Variants in GABRG3 observed in about 807,000 individuals in gnomAD.
GABRG3 encodes gamma-aminobutyric acid type A receptor subunit gamma3.
Under a neutral mutation model 48.8 loss-of-function variants are expected in GABRG3, and 25 were observed. The observed-to-expected ratio is 0.51, with a 90% CI of 0.37 to 0.72. GABRG3 has a LOEUF of 0.72. GABRG3 is among the 30% of genes least tolerant of loss of function. The pLI, the probability that GABRG3 is intolerant of heterozygous loss-of-function variation, is 0.00. For synonymous variants in GABRG3, 227 were observed against 217.6 expected (o/e 1.04, Z -0.38); for missense variants, 394 against 577.9 (o/e 0.68, Z 3.26).
intron 3 of GABRG3, among the ~76,000 whole-genome samples, chr15:27,293,163 T>G (rs1891850396): frequency 2.6e-5 from 4 of 152,288 alleles, no homozygotes; most frequent in Middle Eastern, 3.4e-3. Context: ...GGAAATTTCC[T>G]TAGTTTGTTT....
chr15:27,218,160 T>C (rs1395535248), intron 3 of GABRG3, among the ~76,000 whole-genome samples: 1 of 152,104 alleles, frequency 6.6e-6, no homozygotes, highest in Non-Finnish European at 1.5e-5. Context: ...CCTACAGATG[T>C]GTGCTACCAT....
At chr15:27,423,220 A>G (rs1047738459) in intron 5 of GABRG3, among the ~76,000 whole-genome samples, 5 of 149,370 alleles carry the variant, frequency 3.3e-5, no homozygotes, top group African/African-American at 1.2e-4. Flanking sequence ...AGGTATACAA[A>G]AAAAAAAAAA....
At chr15:26,973,276 A>C (rs567066350) in intron 1 of GABRG3, among the ~76,000 whole-genome samples, 22 of 152,092 alleles carry the variant, frequency 1.4e-4, no homozygotes, top group Non-Finnish European at 2.4e-4. Context: ...ATATACACAA[A>C]ATCTCTTGGG....
At chr15:27,497,430 C>T (rs1460588095) in intron 6 of GABRG3, among the ~76,000 whole-genome samples, 9 of 152,108 alleles carry the variant, frequency 5.9e-5, no homozygotes, top group Admixed American at 3.3e-4. Flanking sequence ...GTGTCTTTCC[C>T]GCAATATCTT....
intron 5 of GABRG3, among the ~76,000 whole-genome samples, chr15:27,340,062 C>T (rs140829954): frequency 0.011 from 1,630 of 152,260 alleles, 16 homozygotes; most frequent in Admixed American, 0.018. Context: ...GTCAGGGAAC[C>T]TTCTTCATCT....
At chr15:27,217,281 T>C (rs1205681827) in intron 3 of GABRG3, among the ~76,000 whole-genome samples, 1 of 152,182 alleles carries the variant, frequency 6.6e-6, no homozygotes, top group Non-Finnish European at 1.5e-5. Flanking sequence ...AAATGACCAA[T>C]TCATTTCAAT....
At chr15:27,481,384 T>A in intron 6 of GABRG3, 3 of 545,900 alleles carry the variant, frequency 5.5e-6, no homozygotes, top group South Asian at 1.6e-4. Context: ...TGTCTTATGT[T>A]GTTTTTTGCT....
chr15:27,396,142 G>A (rs1182870392), intron 5 of GABRG3, among the ~76,000 whole-genome samples: 1 of 152,188 alleles, frequency 6.6e-6, no homozygotes, highest in African/African-American at 2.4e-5. Context: ...GGGATTACAG[G>A]CATGAGCCAA....
chr15:27,336,208 A>AAGAGAGAGAG (rs71285057), intron 5 of GABRG3, among the ~76,000 whole-genome samples: 1 of 138,682 alleles, frequency 7.2e-6, no homozygotes, highest in African/African-American at 2.9e-5. Flanking sequence ...GAAAGAAAGA[A>AAGAGAGAGAG]AGAGAGAGAG....
At chr15:27,428,071 T>C (rs781748721) in intron 5 of GABRG3, 5 of 152,536 alleles carry the variant, frequency 3.3e-5, no homozygotes, top group Non-Finnish European at 7.3e-5. Context: ...TTTTCTTTTG[T>C]AGAGATGGAG....
At chr15:27,377,779 G>C (rs1895645331) in intron 5 of GABRG3, among the ~76,000 whole-genome samples, 1 of 152,208 alleles carries the variant, frequency 6.6e-6, no homozygotes, top group Admixed American at 6.5e-5. Context: ...ATCTGTAAAG[G>C]TGCCTTTGGT....
intron 6 of GABRG3, among the ~76,000 whole-genome samples, chr15:27,515,613 C>A (rs1172999070): frequency 6.6e-6 from 1 of 151,742 alleles, no homozygotes; most frequent in African/African-American, 2.4e-5. Flanking sequence ...GGAGGATGGG[C>A]AAGAGATGGC....
intron 2 of GABRG3, among the ~76,000 whole-genome samples, chr15:27,009,381 G>A (rs7169763): frequency 0.49 from 74,055 of 151,912 alleles, 18,779 homozygotes; most frequent in Middle Eastern, 0.62. Flanking sequence ...TTGCATTTTT[G>A]TCAGAGGACA....
rs1255738541 is a variant in GABRG3, at chr15:27,326,953, G to A, written c.415G>A (p.Ala139Thr). The A allele has an allele frequency of 5.6e-6, 9 of 1,613,958 alleles. No homozygotes were observed. Among genetic ancestry groups the A allele is most frequent in the Non-Finnish European group, 7.6e-6 (9 of 1,179,882 alleles). The part of the protein sequence containing the change: ...PDTIFRNSKT[A>T]EAHWITTPNQ... ...CACCATCTTCCGCAATTCTAAAACC[G>A]CAGAGGCTCACTGGATCACCACACC... The change falls in exon 4 of 10, where the codon GCA becomes ACA. Residue 139 changes from alanine (A) to threonine (T), a missense_variant. Ala to Thr is a moderately conservative substitution (Grantham distance 58). Around this residue, in one of 3 missense-constraint regions of GABRG3, gnomAD observed 218 missense variants for 309.9 expected, o/e 0.70. Transcript: ENST00000615808.
intron 2 of GABRG3, among the ~76,000 whole-genome samples, chr15:27,004,157 G>A (rs1895530333): frequency 1.3e-5 from 2 of 151,462 alleles, no homozygotes; most frequent in Non-Finnish European, 3.0e-5. Context: ...CGGACGGGGT[G>A]GCTGCCGGGC....
intron 9 of GABRG3, among the ~76,000 whole-genome samples, chr15:27,530,076 T>C (rs943114894): frequency 6.6e-6 from 1 of 152,082 alleles, no homozygotes; most frequent in Non-Finnish European, 1.5e-5. Flanking sequence ...CTTATGCTAG[T>C]GAAGGAGCCA....
At chr15:27,369,770 G>C (rs542464325) in intron 5 of GABRG3, among the ~76,000 whole-genome samples, 13 of 130,614 alleles carry the variant, frequency 1.0e-4, no homozygotes, top group Admixed American at 2.9e-4. Flanking sequence ...TTGCACCACT[G>C]CACTCCAGCC....
chr15:27,289,555 A>T (rs1355845455), intron 3 of GABRG3, among the ~76,000 whole-genome samples: 2 of 152,150 alleles, frequency 1.3e-5, no homozygotes, highest in Non-Finnish European at 2.9e-5. Flanking sequence ...CATCTGTAAG[A>T]CTCAAGACAA....
At position 27,235,460 on chromosome 15, in the gene GABRG3, T is replaced by C. The variant is rs78719214; in HGVS notation, c.271-91349T>C. ...CTGTGTTTGTGAGATTATGTACTTA[T>C]CTTTACAAACCGTCGTTCAATTTAG... On this transcript the variant is annotated intron_variant, in intron 3 of 9. Coordinates refer to ENST00000615808, the MANE Select transcript of GABRG3 (RefSeq NM_033223.5). 3.8e-3 allele frequency among the ~76,000 whole-genome samples: 570 copies of C among 151,342 alleles called. 4 individuals carry two copies. The highest frequency in any genetic ancestry group is 0.013 in the African/African-American group (545 of 40,650).
Sources: allele counts gnomAD v4.1 joint callset (sites outside exome capture counted in the v4.1 genomes callset), GRCh38; gene constraint gnomAD v4.1.1; regional missense constraint gnomAD v4.1.1; transcripts MANE v1.5; gene names NCBI Gene and HGNC (gene_info 2026-07-23, HGNC 2026-07-21).